Variants in CHLSN observed in about 807,000 individuals in gnomAD.
CHLSN encodes the protein cholesin.
chr7:1,019,153 C>T, the CHLSN span, among the ~76,000 whole-genome samples: 4 of 136,596 alleles, frequency 2.9e-5, no homozygotes, highest in African/African-American at 1.1e-4. Flanking sequence ...AAGATCGCGC[C>T]ATTGCACTCC....
chr7:1,055,072 T>C, the CHLSN span, among the ~76,000 whole-genome samples: 3 of 143,066 alleles, frequency 2.1e-5, no homozygotes, highest in Non-Finnish European at 4.6e-5. Flanking sequence ...CCCGCAGCGA[T>C]GCAGACAGGG....
the CHLSN span, among the ~76,000 whole-genome samples, chr7:1,133,392 C>CAAAAAAAAAA: frequency 1.2e-4 from 11 of 91,104 alleles, no homozygotes; most frequent in East Asian, 2.3e-3. Flanking sequence ...CGATATACTG[C>CAAAAAAAAAA]AAAAAAAAAA....
At chr7:1,002,108 GGA>G in the CHLSN span, among the ~76,000 whole-genome samples, 1 of 126,124 alleles carries the variant, frequency 7.9e-6, no homozygotes. Flanking sequence ...CCTGTGGGTG[GGA>G]AGTCCTGTGG....
At chr7:1,005,049 C>G in the CHLSN span, among the ~76,000 whole-genome samples, 1 of 152,192 alleles carries the variant, frequency 6.6e-6, no homozygotes, top group South Asian at 2.1e-4. Flanking sequence ...AAGCTGAGCA[C>G]TTTGGGAGGC....
the CHLSN span, chr7:989,691 G>A: frequency 6.3e-6 from 1 of 159,276 alleles, no homozygotes; most frequent in Non-Finnish European, 1.4e-5. Context: ...TGAGACAGGA[G>A]AATCGCTTGA....
the CHLSN span, among the ~76,000 whole-genome samples, chr7:1,119,901 T>G: frequency 6.8e-6 from 1 of 147,538 alleles, no homozygotes; most frequent in Non-Finnish European, 1.5e-5. Context: ...GGGGATAGAA[T>G]GCTCAACAAA....
the CHLSN span, chr7:1,055,198 G>A: frequency 2.1e-6 from 1 of 468,758 alleles, no homozygotes; most frequent in Non-Finnish European, 4.4e-6. Context: ...CTCGTTTCTG[G>A]AACCCGGCTG....
the CHLSN span, among the ~76,000 whole-genome samples, chr7:1,016,402 G>GCAGCGCACGC: frequency 7.8e-4 from 45 of 57,386 alleles, 3 homozygotes; most frequent in African/African-American, 5.9e-3. Context: ...CCAGCACACA[G>GCAGCGCACGC]CAGCACACAG....
At chr7:1,068,789 G>A in the CHLSN span, among the ~76,000 whole-genome samples, 2 of 152,136 alleles carry the variant, frequency 1.3e-5, no homozygotes, top group Non-Finnish European at 2.9e-5. Context: ...TACCTGAAAA[G>A]CCCCTGAGCT....
At chr7:1,028,552 C>G in the CHLSN span, 142 of 985,022 alleles carry the variant, frequency 1.4e-4, 1 homozygote, top group Non-Finnish European at 1.5e-4. Context: ...GGCTCTCTGG[C>G]CGCCCGGGTC....
chr7:1,079,913 C>G, the CHLSN span, among the ~76,000 whole-genome samples: 2 of 152,262 alleles, frequency 1.3e-5, no homozygotes, highest in African/African-American at 4.8e-5. Context: ...TTCTCAAGGT[C>G]CCGGCTTTGG....
the CHLSN span, among the ~76,000 whole-genome samples, chr7:1,016,081 A>ACACAGCAGCG: frequency 1.4e-5 from 1 of 70,172 alleles, no homozygotes; most frequent in Non-Finnish European, 2.8e-5. Context: ...GCACAGCAGC[A>ACACAGCAGCG]CACAGCAGCG....
the CHLSN span, among the ~76,000 whole-genome samples, chr7:1,009,034 C>T: frequency 0.045 from 3,632 of 80,312 alleles, 143 homozygotes; most frequent in African/African-American, 0.22. Flanking sequence ...CACACACGTA[C>T]ACACATGCAC....
the CHLSN span, among the ~76,000 whole-genome samples, chr7:1,062,212 T>A: frequency 6.6e-6 from 1 of 151,162 alleles, no homozygotes; most frequent in Non-Finnish European, 1.5e-5. Context: ...TAGATTCACT[T>A]CATTAAAGTT....
chr7:1,060,377 C>T, the CHLSN span, among the ~76,000 whole-genome samples: 1 of 152,164 alleles, frequency 6.6e-6, no homozygotes, highest in Admixed American at 6.5e-5. Context: ...CTTCTGAAGA[C>T]GGGCGATGTG....
At chr7:1,066,758 A>G in the CHLSN span, among the ~76,000 whole-genome samples, 2 of 152,364 alleles carry the variant, frequency 1.3e-5, no homozygotes, top group African/African-American at 4.8e-5. Flanking sequence ...GCACGAGGGA[A>G]GGCCCCACAT....
At chr7:1,127,391 AAC>A in the CHLSN span, 1 of 1,599,294 alleles carries the variant, frequency 6.3e-7, no homozygotes, top group African/African-American at 1.3e-5. Context: ...GCCATCCTGC[AAC>A]AGAGAAAGTA....
At chr7:1,000,012 A>ACACACGCACGTGTAGACACACGT in the CHLSN span, among the ~76,000 whole-genome samples, 3 of 152,216 alleles carry the variant, frequency 2.0e-5, no homozygotes, top group African/African-American at 4.8e-5. Flanking sequence ...CACGTCATGC[A>ACACACGCACGTGTAGACACACGT]CACACGCACG....
the CHLSN span, among the ~76,000 whole-genome samples, chr7:1,127,072 A>T: frequency 6.6e-6 from 1 of 152,152 alleles, no homozygotes; most frequent in African/African-American, 2.4e-5. Flanking sequence ...TTCCAACTCA[A>T]AATTTACTAA....
Sources: allele counts gnomAD v4.1 joint callset (sites outside exome capture counted in the v4.1 genomes callset), GRCh38; gene constraint gnomAD v4.1.1; transcripts MANE v1.5; gene names NCBI Gene and HGNC (gene_info 2026-07-23, HGNC 2026-07-21).